The following ANKRD26 variants were observed in gnomAD, a reference collection of about 807,000 sequenced individuals.
ANKRD26 encodes ankyrin repeat domain-containing protein 26.
Under a neutral mutation model 208.7 loss-of-function variants are expected in ANKRD26, and 141 were observed. The ratio of observed to expected loss-of-function variants is 0.68; its 90% CI spans 0.59 to 0.78. ANKRD26 has a LOEUF of 0.78. Ranked by LOEUF, ANKRD26 falls within the 30% of genes least tolerant of loss-of-function variation. The pLI is 0.00. For missense variants in ANKRD26, 1,889 were observed against 1,938.7 expected (o/e 0.97, Z 0.48); for synonymous variants, 636 against 660.4 (o/e 0.96, Z 0.57).
chr10:26,986,994 A>G (rs1431794024), downstream of ANKRD26, among the ~76,000 whole-genome samples: 3 of 152,114 alleles, frequency 2.0e-5, no homozygotes, highest in Non-Finnish European at 4.4e-5. Context: ...TGTTTACTGC[A>G]GCACTATTCA....
At chr10:27,024,679 A>G in intron 27 of ANKRD26, 120 bp from the exon 28 acceptor site, 1 of 553,328 alleles carries the variant, frequency 1.8e-6, no homozygotes, top group Non-Finnish European at 3.2e-6. Context: ...TGCAGTTTAT[A>G]AACCTAATGG....
chr10:26,948,061 T>G, the ANKRD26 span, among the ~76,000 whole-genome samples: 1 of 152,184 alleles, frequency 6.6e-6, no homozygotes, highest in African/African-American at 2.4e-5. Context: ...CTGCATCAAA[T>G]TCCCAAGTAG....
chr10:26,988,122 A>G (rs1201675688), downstream of ANKRD26, among the ~76,000 whole-genome samples: 2 of 152,164 alleles, frequency 1.3e-5, no homozygotes, highest in African/African-American at 4.8e-5. Context: ...CAGACTGTTC[A>G]TCTTTTAGGT....
intron 6 of ANKRD26, among the ~76,000 whole-genome samples, chr10:27,079,484 C>T (rs566364531): frequency 6.6e-6 from 1 of 152,170 alleles, no homozygotes; most frequent in Non-Finnish European, 1.5e-5. Flanking sequence ...CAAATTGTCC[C>T]GAAGGCTGAA....
intron 15 of ANKRD26, among the ~76,000 whole-genome samples, chr10:27,059,270 G>T (rs1316824578): frequency 6.6e-6 from 1 of 152,088 alleles, no homozygotes. Flanking sequence ...TAAATGTACA[G>T]TAATAAAATG....
the ANKRD26 span, among the ~76,000 whole-genome samples, chr10:26,960,534 C>T: frequency 3.3e-5 from 5 of 152,226 alleles, no homozygotes; most frequent in African/African-American, 1.2e-4. Context: ...CCCAGCCAGG[C>T]TCTGCCCAAA....
intron 32 of ANKRD26, among the ~76,000 whole-genome samples, chr10:27,010,031 T>G (rs1188709535): frequency 6.6e-6 from 1 of 152,216 alleles, no homozygotes; most frequent in Non-Finnish European, 1.5e-5. Flanking sequence ...ATTGCAGGAT[T>G]AAGGGATAAG....
chr10:26,957,394 T>A, the ANKRD26 span, among the ~76,000 whole-genome samples: 3 of 151,912 alleles, frequency 2.0e-5, no homozygotes, highest in Non-Finnish European at 2.9e-5. Context: ...TCTCAAAAAA[T>A]AAATGAATAA....
intron 5 of ANKRD26, among the ~76,000 whole-genome samples, chr10:26,976,434 C>T (rs562377393): frequency 7.9e-5 from 12 of 152,156 alleles, no homozygotes; most frequent in Admixed American, 5.9e-4. Context: ...AGGCTGGTCT[C>T]GAACTCCTGA....
chr10:27,079,198 T>C, intron 6 of ANKRD26, 37 bp from the exon 7 acceptor site: 2 of 1,542,444 alleles, frequency 1.3e-6, no homozygotes, highest in Non-Finnish European at 1.8e-6. Context: ...AGTGAATTCA[T>C]TTCTTTAAAA....
chr10:27,067,741 A>G (rs576879413), intron 9 of ANKRD26, among the ~76,000 whole-genome samples: 12 of 151,922 alleles, frequency 7.9e-5, no homozygotes, highest in African/African-American at 1.2e-4. Context: ...GATCCAATCA[A>G]CTCCCACCAG....
At chr10:26,957,013 GC>G in the ANKRD26 span, among the ~76,000 whole-genome samples, 1 of 152,190 alleles carries the variant, frequency 6.6e-6, no homozygotes, top group Non-Finnish European at 1.5e-5. Context: ...TACTGGAGCA[GC>G]AAAAACAGAA....
intron 33 of ANKRD26, among the ~76,000 whole-genome samples, chr10:27,006,088 T>C (rs182913206): frequency 6.6e-6 from 1 of 152,212 alleles, no homozygotes; most frequent in Admixed American, 6.5e-5. Flanking sequence ...GTCACAGATA[T>C]CATGACAGGT....
At chr10:26,992,118 A>T (rs984939862) in intron 5 of ANKRD26, 1 of 152,154 alleles carries the variant, frequency 6.6e-6, no homozygotes, top group Non-Finnish European at 1.5e-5. Context: ...ATTGTGAGGG[A>T]GGTATGTAAC....
intron 29 of ANKRD26, among the ~76,000 whole-genome samples, chr10:27,020,977 TA>T (rs34479808): frequency 3.3e-4 from 50 of 149,774 alleles, no homozygotes; most frequent in African/African-American, 9.5e-4. Context: ...TCTTTTCCTT[TA>T]AAAAAAAAAA....
chr10:27,009,860 C>T (rs1317932259), intron 32 of ANKRD26, among the ~76,000 whole-genome samples: 1 of 152,078 alleles, frequency 6.6e-6, no homozygotes, highest in African/African-American at 2.4e-5. Context: ...AAAGGGAGCA[C>T]ATCTGCAACT....
At chr10:26,996,178 G>C (rs58635471) in intron 4 of ANKRD26, among the ~76,000 whole-genome samples, 10,892 of 152,188 alleles carry the variant, frequency 0.072, 649 homozygotes, top group Admixed American at 0.14. Flanking sequence ...CCCAGGCATG[G>C]TGGTTCATAA....
At chr10:26,964,997 G>C in the ANKRD26 span, among the ~76,000 whole-genome samples, 1 of 152,184 alleles carries the variant, frequency 6.6e-6, no homozygotes, top group Admixed American at 6.5e-5. Context: ...CAGAGCAGCT[G>C]TCAGTGCAAT....
downstream of ANKRD26, among the ~76,000 whole-genome samples, chr10:26,973,649 C>CTTTTTTTTTTTTTTTTTTTTTTTTTCTT (rs71386903): frequency 3.4e-5 from 3 of 88,428 alleles, no homozygotes; most frequent in African/African-American, 9.3e-5. Context: ...TTTATTTGTC[C>CTTTTTTTTTTTTTTTTTTTTTTTTTCTT]TTTTTTTTTT....
Sources: allele counts gnomAD v4.1 joint callset (sites outside exome capture counted in the v4.1 genomes callset), GRCh38; gene constraint gnomAD v4.1.1; transcripts MANE v1.5; gene names NCBI Gene and HGNC (gene_info 2026-07-23, HGNC 2026-07-21).